Variants in ZFPM2 observed in about 807,000 individuals in gnomAD.
ZFPM2 encodes zinc finger protein, FOG family member 2, also known as zinc finger protein ZFPM2.
Under a neutral mutation model 98.6 loss-of-function variants are expected in ZFPM2, and 20 were observed. That is an observed-to-expected ratio of 0.20 (90% CI 0.14 to 0.29). The LOEUF is 0.29. Among genes scored for constraint, ZFPM2 ranks in the 10% least tolerant of loss-of-function variants. ZFPM2 has a pLI of 1.00. For missense variants in ZFPM2, 1,310 were observed against 1,388.6 expected (o/e 0.94, Z 0.90); for synonymous variants, 518 against 502.7 (o/e 1.03, Z -0.41).
intron 5 of ZFPM2, among the ~76,000 whole-genome samples, chr8:105,769,885 A>G (rs967211284): frequency 1.3e-5 from 2 of 152,040 alleles, no homozygotes; most frequent in East Asian, 3.9e-4. Context: ...ACGAAGGGAA[A>G]AAAATACCAT....
chr8:105,643,241 C>A (rs1816979731), intron 5 of ZFPM2, among the ~76,000 whole-genome samples: 1 of 152,232 alleles, frequency 6.6e-6, no homozygotes, highest in South Asian at 2.1e-4. Flanking sequence ...AACCATCTGC[C>A]TTACTTCACT....
rs1245267444 is a variant in ZFPM2 at position 105,691,540 on chromosome 8, G to T, written c.532+57183G>T. Among the ~76,000 whole-genome samples, 8 of 122,202 alleles carry T rather than the reference G, an allele frequency of 6.5e-5. 1 individual carries two copies. The highest frequency in any genetic ancestry group is 1.3e-4 in the African/African-American group (4 of 29,954). 80.2% of individuals were successfully genotyped at this position (122,202 alleles called of 152,430 possible). A position where few individuals can be genotyped will look rare whatever the true frequency, so the allele number is the denominator to read the frequency against. ...TGGGATTACAGGCGTGAGCCACCGC[G>T]CCCAGCCCCAAAGAGACTTTTTGAC... is the stretch of plus-strand genomic sequence containing the variant. On this transcript the variant is annotated intron_variant, in intron 5 of 7. Coordinates refer to ENST00000407775, the MANE Select transcript of ZFPM2 (RefSeq NM_012082.4).
In ZFPM2 at chr8:105,467,437, G is replaced by A. The variant is rs115617367; in HGVS notation, c.301+23056G>A. 4.7e-3 allele frequency among the ~76,000 whole-genome samples: 719 copies of A among 152,008 alleles called. 6 individuals carry two copies. Among genetic ancestry groups the A allele is most frequent in the African/African-American group, 0.016 (680 of 41,482 alleles). On this transcript the variant is annotated intron_variant, in intron 3 of 7. Coordinates refer to ENST00000407775, the MANE Select transcript of ZFPM2 (RefSeq NM_012082.4). ...TTATTGCTTTTGTTATCCTAGTCAC[G>A]ACTACTGGAAATAACTGGCTTTTTA...
intron 5 of ZFPM2, among the ~76,000 whole-genome samples, chr8:105,651,799 A>G (rs1486817363): frequency 6.6e-6 from 1 of 152,194 alleles, no homozygotes; most frequent in Admixed American, 6.5e-5. Context: ...GCATCATTCA[A>G]CAGAATAAAC....
At chr8:105,409,397 C>G (rs1811531203) in intron 1 of ZFPM2, among the ~76,000 whole-genome samples, 1 of 151,886 alleles carries the variant, frequency 6.6e-6, no homozygotes, top group South Asian at 2.1e-4. Flanking sequence ...GGCTACAGGT[C>G]TATTCTGTCC....
At chr8:105,400,874 C>T (rs953060279) in intron 1 of ZFPM2, among the ~76,000 whole-genome samples, 2 of 151,968 alleles carry the variant, frequency 1.3e-5, no homozygotes, top group South Asian at 2.1e-4. Flanking sequence ...GGGGCTAAGT[C>T]GTACCCATAT....
chr8:105,516,268 A>AC (rs917671544), intron 3 of ZFPM2, among the ~76,000 whole-genome samples: 5 of 152,004 alleles, frequency 3.3e-5, no homozygotes, highest in South Asian at 4.2e-4. Context: ...CCTGTCTGTT[A>AC]CCCCCCTTGA....
At chr8:105,498,988 G>T (rs557718135) in intron 3 of ZFPM2, among the ~76,000 whole-genome samples, 1 of 152,222 alleles carries the variant, frequency 6.6e-6, no homozygotes, top group East Asian at 1.9e-4. Context: ...TTGGAAGTGT[G>T]GAATATAAAG....
At chr8:105,438,115 TAC>T (rs555282946) in intron 2 of ZFPM2, among the ~76,000 whole-genome samples, 16 of 152,308 alleles carry the variant, frequency 1.1e-4, no homozygotes, top group African/African-American at 3.8e-4. Context: ...ATATTAAACA[TAC>T]AGAGTTCAGT....
At chr8:105,665,820 T>A (rs780503551) in intron 5 of ZFPM2, among the ~76,000 whole-genome samples, 20 of 152,166 alleles carry the variant, frequency 1.3e-4, no homozygotes, top group Non-Finnish European at 2.6e-4. Flanking sequence ...ATAAGATTAT[T>A]TGGGGATTAA....
rs1222044079 is a variant in ZFPM2, at chr8:105,318,922, C to A, written c.-20C>A. On this transcript the variant is annotated 5_prime_UTR_variant, in exon 1 of 8. Transcript: ENST00000407775. ...ACCGCGGGCACCGCGGGAGCCCCAG[C>A]GGCAGCAGCCGCCGCCGAGATGTCC... is the stretch of plus-strand genomic sequence containing the variant. 6.4e-6 allele frequency: 9 copies of A among 1,402,262 alleles called. No homozygotes were observed. The African/African-American group carries it at 1.0e-4, about 16-fold the overall frequency. The allele number at this position is 1,402,262 out of a possible 1,614,324, so 86.9% of individuals were successfully genotyped here.
At chr8:105,649,874 A>G (rs1247095786) in intron 5 of ZFPM2, among the ~76,000 whole-genome samples, 6 of 152,188 alleles carry the variant, frequency 3.9e-5, no homozygotes, top group Admixed American at 1.3e-4. Flanking sequence ...AGCCTTTGGT[A>G]TCAGGATGAT....
At chr8:105,790,678 C>T (rs966001030) in intron 6 of ZFPM2, among the ~76,000 whole-genome samples, 1 of 152,116 alleles carries the variant, frequency 6.6e-6, no homozygotes, top group Non-Finnish European at 1.5e-5. Context: ...TATAAATTAC[C>T]TTGGGCAGTA....
chr8:105,655,604 C>A (rs1470133828), intron 5 of ZFPM2, among the ~76,000 whole-genome samples: 1 of 152,132 alleles, frequency 6.6e-6, no homozygotes, highest in African/African-American at 2.4e-5. Flanking sequence ...TGATCCACAC[C>A]CATTTCAACT....
chr8:105,359,463 T>C (rs201089250), intron 1 of ZFPM2, among the ~76,000 whole-genome samples: 1 of 149,750 alleles, frequency 6.7e-6, no homozygotes, highest in Non-Finnish European at 1.5e-5. Context: ...GCAACCTCCA[T>C]CTCCCAGGTT....
At chr8:105,633,745 G>A (rs1357559350) in intron 4 of ZFPM2, among the ~76,000 whole-genome samples, 2 of 152,068 alleles carry the variant, frequency 1.3e-5, no homozygotes, top group Non-Finnish European at 2.9e-5. Flanking sequence ...CACTTAGGGG[G>A]TTGGGTAGAT....
At chr8:105,499,019 C>T (rs949777899) in intron 3 of ZFPM2, among the ~76,000 whole-genome samples, 1 of 151,996 alleles carries the variant, frequency 6.6e-6, no homozygotes, top group Non-Finnish European at 1.5e-5. Context: ...GAGACTTCTC[C>T]CCATTTCTGA....
intron 3 of ZFPM2, among the ~76,000 whole-genome samples, chr8:105,535,503 A>T (rs1367407250): frequency 6.6e-6 from 1 of 152,142 alleles, no homozygotes; most frequent in East Asian, 1.9e-4. Flanking sequence ...ATATAAATTG[A>T]GTATTTTGTT....
chr8:105,326,345 A>G (rs1249292589), intron 1 of ZFPM2, among the ~76,000 whole-genome samples: 1 of 151,748 alleles, frequency 6.6e-6, no homozygotes. Flanking sequence ...AAAAAAAGTT[A>G]TGCCGGAGAG....
Sources: allele counts gnomAD v4.1 joint callset (sites outside exome capture counted in the v4.1 genomes callset), GRCh38; gene constraint gnomAD v4.1.1; transcripts MANE v1.5; gene names NCBI Gene and HGNC (gene_info 2026-07-23, HGNC 2026-07-21).